Variants in AGBL1 observed in about 807,000 individuals in gnomAD.
AGBL1 encodes cytosolic carboxypeptidase 4.
In AGBL1, 130 loss-of-function variants were observed where a neutral mutation model predicts 118.9. That is an observed-to-expected ratio of 1.09 (90% CI 0.95 to 1.26). The LOEUF is 1.26. AGBL1 is among the 50% of genes most tolerant of loss of function. AGBL1 has a pLI of 0.00. For synonymous variants in AGBL1, 555 were observed against 478.9 expected, an observed-to-expected ratio of 1.16 and a Z score of -2.08; for missense variants, 1,584 against 1,298.1, an observed-to-expected ratio of 1.22 and a Z score of -3.38.
At chr15:86,877,729 C>G (rs756402185) in intron 22 of AGBL1, among the ~76,000 whole-genome samples, 3 of 152,120 alleles carry the variant, frequency 2.0e-5, no homozygotes, top group African/African-American at 7.2e-5. Context: ...CAAAGAAGCC[C>G]AAGGGACACT....
At chr15:86,994,072 TGAA>T (rs1158710730) in intron 24 of AGBL1, among the ~76,000 whole-genome samples, 2 of 152,120 alleles carry the variant, frequency 1.3e-5, no homozygotes, top group South Asian at 2.1e-4. Context: ...ACGCAGGTTC[TGAA>T]GAAGAACTCA....
At chr15:86,511,413 C>A (rs2083051105) in intron 18 of AGBL1, among the ~76,000 whole-genome samples, 1 of 152,006 alleles carries the variant, frequency 6.6e-6, no homozygotes, top group Non-Finnish European at 1.5e-5. Context: ...CTGTAGGCTT[C>A]TTCCCCATCC....
At chr15:86,449,068 A>G (rs2082161580) in intron 18 of AGBL1, among the ~76,000 whole-genome samples, 1 of 152,160 alleles carries the variant, frequency 6.6e-6, no homozygotes, top group South Asian at 2.1e-4. Flanking sequence ...AAAGCCCCAT[A>G]AAGAGTATAT....
chr15:86,919,656 C>G (rs556912113), downstream of AGBL1, among the ~76,000 whole-genome samples: 1 of 151,672 alleles, frequency 6.6e-6, no homozygotes, highest in Non-Finnish European at 1.5e-5. Context: ...GAAGAAAAAA[C>G]CAGAGCCTTC....
At chr15:86,473,030 A>G (rs569620203) in intron 18 of AGBL1, among the ~76,000 whole-genome samples, 55 of 152,340 alleles carry the variant, frequency 3.6e-4, no homozygotes, top group Non-Finnish European at 6.5e-4. Context: ...TATTCTTATA[A>G]CTACAATAGT....
intron 12 of AGBL1, 119 bp downstream of exon 12, chr15:86,266,576 C>A (rs8041327): frequency 1.3e-6 from 1 of 760,642 alleles, no homozygotes; most frequent in East Asian, 2.8e-5. Context: ...TGATGAAAAT[C>A]CAGGTTAAAG....
At chr15:86,617,745 G>A (rs2084750063) in intron 21 of AGBL1, among the ~76,000 whole-genome samples, 1 of 147,862 alleles carries the variant, frequency 6.8e-6, no homozygotes, top group African/African-American at 2.5e-5. Context: ...AATTCTGTGT[G>A]ATTCAACTTT....
intron 17 of AGBL1, among the ~76,000 whole-genome samples, chr15:86,359,755 G>A (rs968642255): frequency 4.0e-5 from 6 of 151,686 alleles, no homozygotes; most frequent in African/African-American, 1.2e-4. Flanking sequence ...TATAAAATAA[G>A]CATACAAGTC....
chr15:86,143,061 C>T (rs1255327661), intron 2 of AGBL1, among the ~76,000 whole-genome samples: 3 of 152,148 alleles, frequency 2.0e-5, no homozygotes, highest in Non-Finnish European at 4.4e-5. Context: ...TTGAGTTTGT[C>T]CTTGGGCAAG....
intron 22 of AGBL1, among the ~76,000 whole-genome samples, chr15:86,685,570 A>G (rs1235415094): frequency 1.3e-5 from 2 of 152,168 alleles, no homozygotes; most frequent in African/African-American, 4.8e-5. Context: ...GACGATAATG[A>G]TATAGAATAC....
chr15:86,799,866 T>G (rs1567179597), intron 22 of AGBL1, among the ~76,000 whole-genome samples: 1 of 152,106 alleles, frequency 6.6e-6, no homozygotes, highest in Non-Finnish European at 1.5e-5. Context: ...AGTTCAAAGA[T>G]TAATTACCAT....
chr15:86,175,730 T>C (rs977194950), intron 5 of AGBL1, among the ~76,000 whole-genome samples: 1 of 152,214 alleles, frequency 6.6e-6, no homozygotes, highest in South Asian at 2.1e-4. Context: ...ATTTTTAAAT[T>C]TCCTTCTCAG....
intron 1 of AGBL1, among the ~76,000 whole-genome samples, chr15:86,120,125 C>T (rs1898004617): frequency 6.6e-6 from 1 of 152,062 alleles, no homozygotes; most frequent in Non-Finnish European, 1.5e-5. Context: ...CTAAACTCCC[C>T]ATTAAAATCT....
intron 24 of AGBL1, among the ~76,000 whole-genome samples, chr15:86,999,095 A>T (rs1356090044): frequency 6.6e-6 from 1 of 151,096 alleles, no homozygotes; most frequent in Non-Finnish European, 1.5e-5. Flanking sequence ...TATGAGTGAG[A>T]ACATGCAGTG....
intron 21 of AGBL1, among the ~76,000 whole-genome samples, chr15:86,624,033 A>G (rs1663319647): frequency 2.0e-5 from 3 of 152,228 alleles, no homozygotes; most frequent in African/African-American, 7.2e-5. Context: ...GAGAAAGAAT[A>G]GAGATTGAGA....
At chr15:86,566,533 TA>T (rs948642693) in intron 21 of AGBL1, among the ~76,000 whole-genome samples, 1 of 152,010 alleles carries the variant, frequency 6.6e-6, no homozygotes, top group Non-Finnish European at 1.5e-5. Flanking sequence ...CAATTTTTTT[TA>T]TAGCAGGGAA....
chr15:86,245,463 A>T (rs1040740704), intron 6 of AGBL1, among the ~76,000 whole-genome samples: 1 of 152,190 alleles, frequency 6.6e-6, no homozygotes, highest in African/African-American at 2.4e-5. Flanking sequence ...AGCAGGTTAG[A>T]GCCCTGCAAT....
intron 1 of AGBL1, among the ~76,000 whole-genome samples, chr15:86,135,729 G>T (rs1200891790): frequency 6.6e-6 from 1 of 152,150 alleles, no homozygotes; most frequent in Non-Finnish European, 1.5e-5. Flanking sequence ...GAGTGTGGGA[G>T]ATTAAAAGTG....
rs989057473 is a variant in AGBL1, at chr15:86,915,452, C to G, written c.*8158C>G. 1.3e-5 allele frequency: 2 copies of G among 152,212 alleles called. No homozygotes were observed. The highest frequency in any genetic ancestry group is 4.8e-5 in the African/African-American group (2 of 41,430). 9.4% of individuals were successfully genotyped at this position (152,212 alleles called of 1,614,324 possible). ...AAACTTACTTTCAATTCTCAGAAAG[C>G]ACCTTACTCTTCTGTTCCCTCTTCT... On this transcript the variant is annotated 3_prime_UTR_variant, in exon 23 of 23. Transcript: ENST00000614907.
Sources: allele counts gnomAD v4.1 joint callset (sites outside exome capture counted in the v4.1 genomes callset), GRCh38; gene constraint gnomAD v4.1.1; transcripts MANE v1.5; gene names NCBI Gene and HGNC (gene_info 2026-07-23, HGNC 2026-07-21).